Variants in DOCK5 observed in about 807,000 individuals in gnomAD.
The protein encoded by DOCK5 is dedicator of cytokinesis 5, also known as dedicator of cytokinesis protein 5.
DOCK5 carries 142 observed loss-of-function variants against 251.8 expected under a neutral mutation model. That is an observed-to-expected ratio of 0.56 (90% CI 0.49 to 0.65). DOCK5 has a LOEUF of 0.65. DOCK5 is among the 30% of genes least tolerant of loss of function. DOCK5 has a pLI of 0.00. For synonymous variants in DOCK5, 842 were observed against 835.5 expected (o/e 1.01, Z -0.13); for missense variants, 2,111 against 2,312.3 (o/e 0.91, Z 1.79).
chr8:25,324,356 C>T (rs1376640291), intron 17 of DOCK5, among the ~76,000 whole-genome samples: 1 of 152,202 alleles, frequency 6.6e-6, no homozygotes, highest in Non-Finnish European at 1.5e-5. Flanking sequence ...CCATGAGCCA[C>T]ATACTATTTC....
At chr8:25,292,257 T>C in intron 6 of DOCK5, 85 bp downstream of exon 6, 6 of 1,384,474 alleles carry the variant, frequency 4.3e-6, no homozygotes, top group Non-Finnish European at 5.7e-6. Context: ...GCAGCGACCT[T>C]TGATCTTAGA....
chr8:25,361,873 C>G (rs552106361), intron 28 of DOCK5, among the ~76,000 whole-genome samples: 1 of 152,312 alleles, frequency 6.6e-6, no homozygotes, highest in South Asian at 2.1e-4. Context: ...GGCCTCCTGT[C>G]TCTCACATAC....
intron 1 of DOCK5, among the ~76,000 whole-genome samples, chr8:25,207,392 G>A (rs1219257423): frequency 6.6e-6 from 1 of 152,210 alleles, no homozygotes; most frequent in East Asian, 1.9e-4. Flanking sequence ...GTAAGAAGAT[G>A]CTGTCTAGTA....
chr8:25,299,469 A>C (rs1341408668), intron 8 of DOCK5: 1 of 166,740 alleles, frequency 6.0e-6, no homozygotes, highest in African/African-American at 2.4e-5. Flanking sequence ...GATGCATGTC[A>C]TTATGAATTT....
chr8:25,296,023 T>C (rs1804606815), intron 6 of DOCK5, among the ~76,000 whole-genome samples: 1 of 152,156 alleles, frequency 6.6e-6, no homozygotes. Flanking sequence ...TTTCAACATG[T>C]TGCCCAGGCT....
At chr8:25,307,102 G>A (rs1219930417) in intron 11 of DOCK5, among the ~76,000 whole-genome samples, 5 of 151,746 alleles carry the variant, frequency 3.3e-5, no homozygotes, top group African/African-American at 4.8e-5. Context: ...CAATAGAAAT[G>A]TTTCAGCTCC....
At chr8:25,364,725 C>A (rs748231607) in intron 30 of DOCK5, 21 bp downstream of exon 30, 2 of 1,550,502 alleles carry the variant, frequency 1.3e-6, no homozygotes, top group South Asian at 1.2e-5. Flanking sequence ...GACTCACCTA[C>A]CTGCTTCTAG....
At chr8:25,228,039 C>T (rs1366376563) in intron 1 of DOCK5, among the ~76,000 whole-genome samples, 1 of 152,068 alleles carries the variant, frequency 6.6e-6, no homozygotes, top group Non-Finnish European at 1.5e-5. Context: ...CATGCACCAC[C>T]ACACCTGGCT....
chr8:25,331,112 G>GA (rs889034043), intron 18 of DOCK5, among the ~76,000 whole-genome samples: 3 of 150,050 alleles, frequency 2.0e-5, no homozygotes, highest in Non-Finnish European at 3.0e-5. Context: ...GTCTCTCAAA[G>GA]AAAAAAAAAG....
intron 27 of DOCK5, among the ~76,000 whole-genome samples, chr8:25,354,068 A>G (rs13261731): frequency 6.2e-5 from 9 of 144,810 alleles, no homozygotes; most frequent in African/African-American, 7.8e-5. Context: ...AAAAAAACGT[A>G]GGAGAGAAAA....
chr8:25,370,164 C>T (rs1297403171), intron 34 of DOCK5, among the ~76,000 whole-genome samples: 1 of 152,210 alleles, frequency 6.6e-6, no homozygotes, highest in Non-Finnish European at 1.5e-5. Flanking sequence ...ACTGTCCCCT[C>T]TTCCCCCACC....
chr8:25,413,859 G>A lies in DOCK5; in HGVS notation c.*2561G>A, dbSNP rs140391295. 40 of 152,204 alleles carry A rather than the reference G, an allele frequency of 2.6e-4. No individual in the cohort carries two copies. Among genetic ancestry groups the A allele is most frequent in the African/African-American group, 9.4e-4 (39 of 41,452 alleles). The allele number at this position is 152,204 out of a possible 1,614,324, so 9.4% of individuals were successfully genotyped here. A position where few individuals can be genotyped will look rare whatever the true frequency, so the allele number is the denominator to read the frequency against. ...GATGGAAGGTTCATTTTTTAGGGAAGGTGTTGGGTAGGAAGAGTCACATTT... is the reference window on the plus strand; with the variant it reads ...GATGGAAGGTTCATTTTTTAGGGAAAGTGTTGGGTAGGAAGAGTCACATTT... On this transcript the variant is annotated 3_prime_UTR_variant, in exon 52 of 52. Coordinates refer to ENST00000276440, the MANE Select transcript of DOCK5 (RefSeq NM_024940.8).
At chr8:25,241,924 G>C (rs983155035) in intron 1 of DOCK5, among the ~76,000 whole-genome samples, 1 of 150,496 alleles carries the variant, frequency 6.6e-6, no homozygotes, top group Non-Finnish European at 1.5e-5. Context: ...AACACCACAT[G>C]TTCTCACTCA....
intron 47 of DOCK5, among the ~76,000 whole-genome samples, chr8:25,401,781 C>T (rs1801443521): frequency 1.3e-5 from 2 of 152,078 alleles, no homozygotes; most frequent in Non-Finnish European, 2.9e-5. Flanking sequence ...TTTCTGAATC[C>T]TAGACACTGG....
At chr8:25,228,365 G>T (rs1177084127) in intron 1 of DOCK5, among the ~76,000 whole-genome samples, 2 of 152,192 alleles carry the variant, frequency 1.3e-5, no homozygotes, top group African/African-American at 4.8e-5. Flanking sequence ...ACCTGGGAGG[G>T]TTCTTGGCTT....
At chr8:25,409,914 G>A (rs1801589627) in intron 50 of DOCK5, 185 bp from the exon 51 acceptor site, 1 of 531,160 alleles carries the variant, frequency 1.9e-6, no homozygotes, top group African/African-American at 1.9e-5. Context: ...GAAACTTCTG[G>A]CGAGGGCGTC....
intron 2 of DOCK5, among the ~76,000 whole-genome samples, chr8:25,250,574 T>C (rs1222930803): frequency 6.6e-6 from 1 of 152,214 alleles, no homozygotes; most frequent in Non-Finnish European, 1.5e-5. Flanking sequence ...GGTCATTTAT[T>C]CATTCAACAT....
chr8:25,199,215 T>A (rs1169539332), intron 1 of DOCK5, among the ~76,000 whole-genome samples: 3 of 152,138 alleles, frequency 2.0e-5, no homozygotes, highest in Admixed American at 6.5e-5. Flanking sequence ...GAAGAAAGGG[T>A]CATGTATTGC....
chr8:25,402,556 A>C (rs1322212466), intron 47 of DOCK5, among the ~76,000 whole-genome samples: 1 of 151,982 alleles, frequency 6.6e-6, no homozygotes, highest in Non-Finnish European at 1.5e-5. Context: ...TCGGCCTCCC[A>C]AAGTGCTGGG....
Sources: gnomAD v4.1 joint callset for allele counts (sites outside exome capture counted in the v4.1 genomes callset) on GRCh38, gnomAD v4.1.1 for gene constraint, MANE v1.5 for transcripts, NCBI Gene and HGNC (gene_info 2026-07-23, HGNC 2026-07-21) for gene names.